TMEM229B: variants seen among roughly 807,000 people sequenced by gnomAD.
The protein encoded by TMEM229B is transmembrane protein 229B.
A neutral mutation model predicts 13.7 loss-of-function variants in TMEM229B; 6 were observed. The observed-to-expected ratio is 0.44, with a 90% CI of 0.24 to 0.86. TMEM229B has a LOEUF of 0.86. Ranked by LOEUF, TMEM229B falls within the 40% of genes least tolerant of loss-of-function variation. The pLI, the probability that TMEM229B is intolerant of heterozygous loss-of-function variation, is 0.23. For synonymous variants in TMEM229B, 107 were observed against 102.1 expected, an observed-to-expected ratio of 1.05 and a Z score of -0.29; for missense variants, 170 against 236.0, an observed-to-expected ratio of 0.72 and a Z score of 1.83.
intron 2 of TMEM229B, among the ~76,000 whole-genome samples, chr14:67,481,198 C>T (rs2031564570): frequency 6.6e-6 from 1 of 152,054 alleles, no homozygotes. Flanking sequence ...CAGGAGGATC[C>T]CTTGAGTTCA....
At chr14:67,492,679 C>T (rs754774102), upstream of TMEM229B, among the ~76,000 whole-genome samples, 17 of 152,336 alleles carry the variant, frequency 1.1e-4, no homozygotes, top group South Asian at 2.1e-4. Flanking sequence ...AACAGGACTC[C>T]GCTTTTCACA....
At chr14:67,512,992 A>G (rs2033077959) in intron 1 of TMEM229B, among the ~76,000 whole-genome samples, 1 of 152,224 alleles carries the variant, frequency 6.6e-6, no homozygotes, top group African/African-American at 2.4e-5. Context: ...AATCTGATAC[A>G]ACCGAAATAA....
intron 2 of TMEM229B, among the ~76,000 whole-genome samples, chr14:67,479,359 C>T (rs2031435180): frequency 6.9e-6 from 1 of 145,818 alleles, no homozygotes; most frequent in African/African-American, 2.6e-5. Context: ...TAGCAGTGAG[C>T]GAGATCGTAC....
chr14:67,511,378 G>A (rs532076491), intron 1 of TMEM229B, among the ~76,000 whole-genome samples: 1 of 152,042 alleles, frequency 6.6e-6, no homozygotes, highest in Non-Finnish European at 1.5e-5. Context: ...AAACTGTCAT[G>A]CTTCTAGAAG....
upstream of TMEM229B, among the ~76,000 whole-genome samples, chr14:67,517,265 G>T (rs551334956): frequency 4.6e-5 from 7 of 152,326 alleles, no homozygotes; most frequent in South Asian, 1.5e-3. Context: ...GCTGTGGCCG[G>T]CGGCTGGCAG....
At chr14:67,496,396 T>G (rs1320236567) in intron 1 of TMEM229B, among the ~76,000 whole-genome samples, 8 of 117,026 alleles carry the variant, frequency 6.8e-5, no homozygotes, top group Non-Finnish European at 1.2e-4. Context: ...CCGGCGTTTT[T>G]TTTTTTTTTT....
chr14:67,485,153 C>G (rs2031799996), intron 2 of TMEM229B, among the ~76,000 whole-genome samples: 1 of 152,224 alleles, frequency 6.6e-6, no homozygotes, highest in Admixed American at 6.5e-5. Context: ...AGGAGAATCA[C>G]TGAACCAAAC....
At chr14:67,517,565 A>G (rs1439863483), upstream of TMEM229B, among the ~76,000 whole-genome samples, 1 of 152,204 alleles carries the variant, frequency 6.6e-6, no homozygotes, top group Non-Finnish European at 1.5e-5. Context: ...TCAGTTAGAG[A>G]ATCAGAAAGA....
At chr14:67,528,897 A>T (rs2033406181) in intron 1 of TMEM229B, among the ~76,000 whole-genome samples, 1 of 152,088 alleles carries the variant, frequency 6.6e-6, no homozygotes, top group Admixed American at 6.6e-5. Context: ...GGTGGCCTGG[A>T]ATCTGTATTT....
intron 1 of TMEM229B, among the ~76,000 whole-genome samples, chr14:67,532,337 A>G (rs1294959058): frequency 6.6e-6 from 1 of 152,238 alleles, no homozygotes; most frequent in Non-Finnish European, 1.5e-5. Context: ...CTTCACTGAC[A>G]GAGAGCCTGC....
intron 1 of TMEM229B, among the ~76,000 whole-genome samples, chr14:67,511,702 G>A (rs951664174): frequency 6.6e-6 from 1 of 152,194 alleles, no homozygotes; most frequent in African/African-American, 2.4e-5. Flanking sequence ...TCCTTTGAAG[G>A]AGCAGGGGGC....
At chr14:67,480,469 G>T (rs1338536033) in intron 2 of TMEM229B, among the ~76,000 whole-genome samples, 1 of 152,158 alleles carries the variant, frequency 6.6e-6, no homozygotes, top group Non-Finnish European at 1.5e-5. Flanking sequence ...GGGCAGACTT[G>T]AAAAGATGGT....
At chr14:67,528,227 G>T (rs745365615) in intron 1 of TMEM229B, among the ~76,000 whole-genome samples, 4 of 152,198 alleles carry the variant, frequency 2.6e-5, no homozygotes, top group African/African-American at 4.8e-5. Context: ...GCCAAGAACT[G>T]AGCTAGGTGC....
intron 1 of TMEM229B, among the ~76,000 whole-genome samples, chr14:67,526,831 C>A (rs1485568956): frequency 2.6e-5 from 4 of 151,970 alleles, no homozygotes; most frequent in Non-Finnish European, 4.4e-5. Flanking sequence ...ATACTGAGGG[C>A]AGGTTTGTCA....
At chr14:67,475,459 C>T (rs2031124734) in intron 2 of TMEM229B, among the ~76,000 whole-genome samples, 4 of 152,306 alleles carry the variant, frequency 2.6e-5, no homozygotes, top group African/African-American at 9.6e-5. Flanking sequence ...TTCTGAGGAA[C>T]CACTGTGCTG....
chr14:67,511,126 G>A (rs888544124), intron 1 of TMEM229B, among the ~76,000 whole-genome samples: 1 of 152,094 alleles, frequency 6.6e-6, no homozygotes, highest in Non-Finnish European at 1.5e-5. Context: ...CATGTGACAG[G>A]GGTGCCTCTT....
chr14:67,530,048 G>C (rs1028105427), intron 1 of TMEM229B, among the ~76,000 whole-genome samples: 31 of 152,162 alleles, frequency 2.0e-4, no homozygotes, highest in Admixed American at 1.3e-3. Flanking sequence ...TCGTACAAGG[G>C]AAGATGAATT....
chr14:67,489,992 A>C (rs78983112), upstream of TMEM229B, among the ~76,000 whole-genome samples: 1 of 148,276 alleles, frequency 6.7e-6, no homozygotes, highest in Non-Finnish European at 1.5e-5. Flanking sequence ...TCCGTCTCAA[A>C]AAAAAAAAAA....
chr14:67,518,348 T>A (rs140159435), upstream of TMEM229B, among the ~76,000 whole-genome samples: 561 of 152,280 alleles, frequency 3.7e-3, 2 homozygotes, highest in African/African-American at 0.011. Flanking sequence ...ATTTTTCTCA[T>A]CTGCAAAATG....
Sources: allele counts gnomAD v4.1 joint callset (sites outside exome capture counted in the v4.1 genomes callset), GRCh38; gene constraint gnomAD v4.1.1; transcripts MANE v1.5; gene names NCBI Gene and HGNC (gene_info 2026-07-23, HGNC 2026-07-21).